The following ERICH6B variants were observed in gnomAD, a reference collection of about 807,000 sequenced individuals.
ERICH6B encodes the protein glutamate rich 6B.
A neutral mutation model predicts 80.0 loss-of-function variants in ERICH6B; 69 were observed. The observed-to-expected ratio is 0.86, with a 90% CI of 0.71 to 1.05. The LOEUF is 1.05. ERICH6B is among the 50% of genes least tolerant of loss of function. ERICH6B has a pLI of 0.00. For missense variants in ERICH6B, 754 were observed against 796.1 expected, an observed-to-expected ratio of 0.95 and a Z score of 0.64; for synonymous variants, 283 against 291.9, an observed-to-expected ratio of 0.97 and a Z score of 0.31.
intron 11 of ERICH6B, among the ~76,000 whole-genome samples, chr13:45,560,588 G>A (rs1874630175): frequency 6.6e-6 from 1 of 152,158 alleles, no homozygotes; most frequent in Admixed American, 6.5e-5. Flanking sequence ...GAGTTTAACT[G>A]CCCTAAAACT....
chr13:45,542,201 C>T (rs987834393), intron 14 of ERICH6B, among the ~76,000 whole-genome samples: 9 of 152,226 alleles, frequency 5.9e-5, no homozygotes, highest in African/African-American at 2.2e-4. Flanking sequence ...AGGACAGAGT[C>T]TCCTGGAGGG....
rs534979721 is a variant in ERICH6B at position 45,544,631 on chromosome 13, G to A, written c.1872+129C>T. The stretch of plus-strand genomic sequence containing the variant: ...ACATCAGGTAAACCAAAGTGGCCTT[G>A]TTTTTATACGGGTTGGCATATATAG... On this transcript the variant is annotated intron_variant, in intron 14 of 14. Transcript: ENST00000298738. The A allele has an allele frequency of 4.1e-5, 30 of 728,944 alleles. No individual in the cohort carries two copies. In the African/African-American group the frequency reaches 4.6e-4, roughly 11 times the overall value. The allele number at this position is 728,944 out of a possible 1,614,324, so 45.2% of individuals were successfully genotyped here. A position where few individuals can be genotyped will look rare whatever the true frequency, so the allele number is the denominator to read the frequency against.
At chr13:45,613,829 CT>C (rs1432394135) in intron 1 of ERICH6B, among the ~76,000 whole-genome samples, 1 of 152,256 alleles carries the variant, frequency 6.6e-6, no homozygotes, top group South Asian at 2.1e-4. Context: ...TATACAAAGA[CT>C]TTTTTAGTTA....
Position 45,590,776 on chromosome 13 carries a change from G to C in ERICH6B, c.638-79C>G, listed in dbSNP as rs975705228. On this transcript the variant is annotated intron_variant, in intron 3 of 14. Transcript: ENST00000298738. ...TATTTAAAAATACGTTGTTAAGTAC[G>C]TGGAGAGGGCCCTAGTTATAGAAAT... The C allele has an allele frequency of 5.1e-6, 6 of 1,184,656 alleles. No homozygotes were observed. The East Asian group carries it at 7.7e-5, about 15-fold the overall frequency. The allele number at this position is 1,184,656 out of a possible 1,614,324, so 73.4% of individuals were successfully genotyped here.
chr13:45,568,592 G>A (rs1004037076), intron 8 of ERICH6B, 141 bp from the exon 9 acceptor site: 2 of 814,224 alleles, frequency 2.5e-6, no homozygotes, highest in Middle Eastern at 3.7e-4. Context: ...CCAGGGGCAG[G>A]GGGAGGGAGA....
intron 7 of ERICH6B, among the ~76,000 whole-genome samples, chr13:45,576,192 G>C (rs1009711602): frequency 6.6e-6 from 1 of 152,218 alleles, no homozygotes; most frequent in African/African-American, 2.4e-5. Context: ...GGCTGGGGCT[G>C]CGTTTACCCA....
At chr13:45,556,779 GTA>G (rs567530431) in intron 11 of ERICH6B, among the ~76,000 whole-genome samples, 1 of 151,444 alleles carries the variant, frequency 6.6e-6, no homozygotes, top group South Asian at 2.1e-4. Context: ...ATATGTGTGT[GTA>G]TATATATATA....
At chr13:45,579,444 G>A (rs992380311) in intron 7 of ERICH6B, among the ~76,000 whole-genome samples, 1 of 152,164 alleles carries the variant, frequency 6.6e-6, no homozygotes, top group African/African-American at 2.4e-5. Context: ...CACAAGTTGG[G>A]ATTCTGCTGC....
chr13:45,591,686 T>C (rs1876162804), intron 3 of ERICH6B, among the ~76,000 whole-genome samples: 1 of 152,164 alleles, frequency 6.6e-6, no homozygotes, highest in Admixed American at 6.5e-5. Context: ...GTTACAAAAG[T>C]AAAGTACTAA....
intron 11 of ERICH6B, among the ~76,000 whole-genome samples, chr13:45,553,805 C>A (rs528146517): frequency 6.6e-6 from 1 of 151,958 alleles, no homozygotes; most frequent in Non-Finnish European, 1.5e-5. Context: ...TTTCTTTAAA[C>A]CTAAAAAAAG....
chr13:45,602,883 A>C (rs1949835219), intron 2 of ERICH6B, among the ~76,000 whole-genome samples: 1 of 152,242 alleles, frequency 6.6e-6, no homozygotes. Flanking sequence ...TCTCCAGAGA[A>C]ACAGAACCAG....
rs186423970 is a variant in ERICH6B at position 45,561,419 on chromosome 13, G to A, written c.1357C>T (p.His453Tyr). Reference sequence around the variant, plus strand: ...TTATCTCGTTCTAATTTCTTCCTATGATGAACAACACGTTGAGGCTTTTGG... The same window carrying A: ...TTATCTCGTTCTAATTTCTTCCTATAATGAACAACACGTTGAGGCTTTTGG... ...EIQKPQRVVH[H>Y]RKKLERDKEW... Residue 453 changes from histidine (H) to tyrosine (Y), a missense_variant, in exon 11 of 15, where the codon CAT becomes TAT. Physicochemically the swap from His to Tyr is moderately conservative, Grantham distance 83 (BLOSUM62 2). Transcript: ENST00000298738. 9.8e-5 allele frequency: 152 copies of A among 1,552,290 alleles called. No individual in the cohort carries two copies. In the African/African-American group the frequency reaches 1.6e-3, roughly 17 times the overall value.
intron 2 of ERICH6B, among the ~76,000 whole-genome samples, chr13:45,606,547 A>ATTTTTT (rs71074722): frequency 5.4e-4 from 9 of 16,614 alleles, no homozygotes; most frequent in Admixed American, 2.8e-3. Flanking sequence ...ATATATATAT[A>ATTTTTT]TTTTTTTTTT....
At chr13:45,546,807 G>A (rs569087098) in intron 13 of ERICH6B, among the ~76,000 whole-genome samples, 2 of 152,308 alleles carry the variant, frequency 1.3e-5, no homozygotes, top group African/African-American at 4.8e-5. Flanking sequence ...GAGTGAGAAG[G>A]TGGCTCAGAG....
At chr13:45,583,692 A>G (rs902474222) in intron 5 of ERICH6B, among the ~76,000 whole-genome samples, 2 of 152,176 alleles carry the variant, frequency 1.3e-5, no homozygotes, top group East Asian at 3.8e-4. Context: ...GTGATGAATA[A>G]GTCTCATGGA....
chr13:45,555,679 G>A (rs1874408381), intron 11 of ERICH6B, among the ~76,000 whole-genome samples: 2 of 152,090 alleles, frequency 1.3e-5, no homozygotes, highest in South Asian at 4.2e-4. Context: ...ATGATGAAAA[G>A]ACCCAGATCC....
chr13:45,557,057 A>G lies in ERICH6B; in HGVS notation c.1407+4312T>C, dbSNP rs57350775. On this transcript the variant is annotated intron_variant, in intron 11 of 14. Transcript: ENST00000298738. ...TGTACTAGTTTACATTCCCCCCAGCAGTGTAGAAGTGTTCTCTGTTCACCG... is the reference window on the plus strand; with the variant it reads ...TGTACTAGTTTACATTCCCCCCAGCGGTGTAGAAGTGTTCTCTGTTCACCG... Among the ~76,000 whole-genome samples, 637 of 152,200 alleles carry G rather than the reference A, an allele frequency of 4.2e-3. 6 individuals are homozygous for G. The highest frequency in any genetic ancestry group is 0.014 in the African/African-American group (601 of 41,522).
intron 8 of ERICH6B, 32 bp downstream of exon 8, chr13:45,574,810 G>T (rs775826297): frequency 9.8e-6 from 14 of 1,421,842 alleles, no homozygotes; most frequent in South Asian, 5.0e-5. Context: ...GAGGAAGCTG[G>T]GGGGGGGGTC....
At chr13:45,574,753 G>T in intron 8 of ERICH6B, 89 bp downstream of exon 8, 1 of 1,001,044 alleles carries the variant, frequency 1.0e-6, no homozygotes, top group Non-Finnish European at 1.5e-6. Context: ...CAGAACCCAA[G>T]ACCTCAGCCA....
Sources: gnomAD v4.1 joint callset for allele counts (sites outside exome capture counted in the v4.1 genomes callset) on GRCh38, gnomAD v4.1.1 for gene constraint, MANE v1.5 for transcripts, NCBI Gene and HGNC (gene_info 2026-07-23, HGNC 2026-07-21) for gene names.